DEUP1: variants seen among roughly 807,000 people sequenced by gnomAD.
DEUP1 encodes the protein coiled-coil domain containing 67.
Under a neutral mutation model 87.4 loss-of-function variants are expected in DEUP1, and 82 were observed. The ratio of observed to expected loss-of-function variants is 0.94; its 90% CI spans 0.78 to 1.13. The LOEUF (loss-of-function observed/expected upper bound fraction) is 1.13, where lower values mean the gene tolerates loss of function less well. DEUP1 is among the 50% of genes most tolerant of loss of function. The pLI is 0.00. For missense variants in DEUP1, 663 were observed against 681.5 expected (o/e 0.97, Z 0.30); for synonymous variants, 214 against 222.7 (o/e 0.96, Z 0.35).
At chr11:93,352,348 T>C (rs1298451265) in intron 2 of DEUP1, 1 of 702,384 alleles carries the variant, frequency 1.4e-6, no homozygotes, top group Non-Finnish European at 2.6e-6. Context: ...CCAGTCTGAG[T>C]GACTGGACTT....
At chr11:93,349,393 C>T (rs1944518741) in intron 2 of DEUP1, among the ~76,000 whole-genome samples, 1 of 133,466 alleles carries the variant, frequency 7.5e-6, no homozygotes, top group African/African-American at 2.9e-5. Context: ...AAGAATAAAC[C>T]CACCTTGAAA....
At chr11:93,391,958 T>A (rs1458935643) in intron 9 of DEUP1, among the ~76,000 whole-genome samples, 2 of 152,118 alleles carry the variant, frequency 1.3e-5, no homozygotes, top group African/African-American at 2.4e-5. Flanking sequence ...GACTCTTTTT[T>A]AAAAAAATCT....
chr11:93,359,441 C>A (rs1945058923), intron 4 of DEUP1, among the ~76,000 whole-genome samples: 1 of 152,122 alleles, frequency 6.6e-6, no homozygotes, highest in South Asian at 2.1e-4. Flanking sequence ...TCTTCCCTAT[C>A]CTCCGATTAA....
At chr11:93,355,677 C>A in intron 3 of DEUP1, 135 bp downstream of exon 3, 1 of 738,950 alleles carries the variant, frequency 1.4e-6, no homozygotes, top group Non-Finnish European at 2.1e-6. Context: ...ATTCTGTCAG[C>A]AAATTATAGG....
rs954694830 is a variant in DEUP1 at position 93,357,292 on chromosome 11, G to T, written c.297+249G>T. 4.1e-5 allele frequency: 11 copies of T among 265,380 alleles called. No individual in the cohort carries two copies. The South Asian group carries it at 1.3e-3, about 32-fold the overall frequency. The allele number at this position is 265,380 out of a possible 1,614,324, so 16.4% of individuals were successfully genotyped here. ...TGGCTTTCTATTTCTCAAGAGACTT[G>T]TTGATGAATTAAATAATAATTAGCT... is the stretch of plus-strand genomic sequence containing the variant. On this transcript the variant is annotated intron_variant, in intron 4 of 13. Transcript: ENST00000298050.
At chr11:93,406,335 GC>G (rs1318918464) in intron 11 of DEUP1, among the ~76,000 whole-genome samples, 2 of 151,810 alleles carry the variant, frequency 1.3e-5, no homozygotes, top group Non-Finnish European at 2.9e-5. Flanking sequence ...GAATCAGACC[GC>G]AATCTATATT....
intron 10 of DEUP1, among the ~76,000 whole-genome samples, 167 bp downstream of exon 10, chr11:93,394,823 C>A (rs1293494610): frequency 6.6e-6 from 1 of 152,090 alleles, no homozygotes; most frequent in Admixed American, 6.6e-5. Flanking sequence ...AGAGATAACA[C>A]AAAGTGTCAC....
chr11:93,387,137 T>C (rs984458321), intron 8 of DEUP1, among the ~76,000 whole-genome samples: 2 of 152,208 alleles, frequency 1.3e-5, no homozygotes, highest in African/African-American at 4.8e-5. Context: ...TCTAGAATTC[T>C]GAGATTTGAT....
intron 4 of DEUP1, among the ~76,000 whole-genome samples, chr11:93,359,836 T>G (rs921411335): frequency 5.3e-5 from 8 of 152,208 alleles, no homozygotes; most frequent in Non-Finnish European, 1.0e-4. Flanking sequence ...GATTTCTGCC[T>G]TCACTAAGCT....
intron 1 of DEUP1, among the ~76,000 whole-genome samples, chr11:93,331,745 A>T (rs1943493723): frequency 6.6e-6 from 1 of 152,232 alleles, no homozygotes; most frequent in South Asian, 2.1e-4. Flanking sequence ...ACATATTTCA[A>T]TAAATCACTA....
At chr11:93,352,595 A>G (rs997008224) in intron 2 of DEUP1, 7 of 589,768 alleles carry the variant, frequency 1.2e-5, no homozygotes, top group African/African-American at 1.1e-4. Flanking sequence ...GTTTGTTTTC[A>G]TGCTGCTGAT....
chr11:93,435,986 A>G (rs1948237158), intron 13 of DEUP1, among the ~76,000 whole-genome samples: 1 of 126,010 alleles, frequency 7.9e-6, no homozygotes, highest in Non-Finnish European at 1.7e-5. Context: ...ACAGAGTGAG[A>G]CTCCGTCTCA....
At chr11:93,410,831 A>G (rs1947414969) in intron 12 of DEUP1, among the ~76,000 whole-genome samples, 1 of 152,214 alleles carries the variant, frequency 6.6e-6, no homozygotes, top group Non-Finnish European at 1.5e-5. Context: ...ACAAGACAGT[A>G]GGGGACACAA....
chr11:93,355,683 A>T lies in DEUP1; in HGVS notation c.201+141A>T. The T allele has an allele frequency of 4.2e-6, 3 of 715,178 alleles. No individual in the cohort carries two copies. In the Admixed American group the frequency reaches 1.0e-4, roughly 25 times the overall value. The allele number at this position is 715,178 out of a possible 1,614,324, so 44.3% of individuals were successfully genotyped here. On this transcript the variant is annotated intron_variant, in intron 3 of 13. Coordinates refer to ENST00000298050, the MANE Select transcript of DEUP1 (RefSeq NM_181645.4). ...TTGCTTGAAATTCTGTCAGCAAATTATAGGCTAAATGTATTATATCAAATA... is the reference window on the plus strand; with the variant it reads ...TTGCTTGAAATTCTGTCAGCAAATTTTAGGCTAAATGTATTATATCAAATA...
chr11:93,383,543 G>A, intron 7 of DEUP1: 1 of 646,296 alleles, frequency 1.5e-6, no homozygotes, highest in Non-Finnish European at 2.8e-6. Context: ...ATAAAGTAGT[G>A]GTGATGTTCA....
intron 12 of DEUP1, among the ~76,000 whole-genome samples, chr11:93,408,850 TG>T (rs1430480989): frequency 6.6e-6 from 1 of 152,084 alleles, no homozygotes; most frequent in East Asian, 1.9e-4. Flanking sequence ...TTTTGTTTTT[TG>T]GGGTTTGTTT....
chr11:93,343,053 A>C (rs1481851082), intron 2 of DEUP1, among the ~76,000 whole-genome samples: 1 of 152,208 alleles, frequency 6.6e-6, no homozygotes. Context: ...TGTTGAATAG[A>C]TGGTTGGACA....
At chr11:93,373,812 T>C (rs1320049887) in intron 7 of DEUP1, among the ~76,000 whole-genome samples, 2 of 151,974 alleles carry the variant, frequency 1.3e-5, no homozygotes, top group African/African-American at 2.4e-5. Context: ...ACCTAGTAGT[T>C]AGATTGCTGG....
At chr11:93,364,359 T>C in intron 5 of DEUP1, 65 bp downstream of exon 5, 1 of 1,399,898 alleles carries the variant, frequency 7.1e-7, no homozygotes, top group Non-Finnish European at 1.0e-6. Flanking sequence ...TGTGGGCTAT[T>C]TGTCTCTAGT....
Sources: allele counts gnomAD v4.1 joint callset (sites outside exome capture counted in the v4.1 genomes callset), GRCh38; gene constraint gnomAD v4.1.1; transcripts MANE v1.5; gene names NCBI Gene and HGNC (gene_info 2026-07-23, HGNC 2026-07-21).